EPHA5: variants seen among roughly 807,000 people sequenced by gnomAD.
EPHA5 encodes the protein EPH receptor A5.
Under a neutral mutation model 105.0 loss-of-function variants are expected in EPHA5, and 60 were observed. The observed-to-expected ratio is 0.57, with a 90% CI of 0.46 to 0.71. The LOEUF is 0.71. EPHA5 is among the 30% of genes least tolerant of loss of function. The pLI is 0.00. For synonymous variants in EPHA5, 513 were observed against 449.1 expected, an observed-to-expected ratio of 1.14 and a Z score of -1.80; for missense variants, 1,218 against 1,274.7, an observed-to-expected ratio of 0.96 and a Z score of 0.68.
chr4:65,515,260 G>A (rs1733995243), intron 3 of EPHA5, among the ~76,000 whole-genome samples: 1 of 152,008 alleles, frequency 6.6e-6, no homozygotes, highest in Non-Finnish European at 1.5e-5. Flanking sequence ...TATTCAGGTA[G>A]TAGAAATCCA....
intron 1 of EPHA5, among the ~76,000 whole-genome samples, chr4:65,662,662 G>A (rs1207791079): frequency 6.6e-6 from 1 of 152,062 alleles, no homozygotes; most frequent in Non-Finnish European, 1.5e-5. Flanking sequence ...TTATCTTCAG[G>A]GTCATAGTAA....
chr4:65,571,263 T>C (rs758935537), intron 3 of EPHA5, among the ~76,000 whole-genome samples: 10 of 151,654 alleles, frequency 6.6e-5, no homozygotes. Context: ...CGCTTATTAA[T>C]TAAAATGCAC....
At chr4:65,666,432 C>T (rs1279545276) in intron 1 of EPHA5, among the ~76,000 whole-genome samples, 1 of 152,202 alleles carries the variant, frequency 6.6e-6, no homozygotes, top group Non-Finnish European at 1.5e-5. Context: ...ACAAATATAT[C>T]TCCAGACAGC....
intron 8 of EPHA5, 147 bp downstream of exon 8, chr4:65,404,227 G>T (rs1189273236): frequency 3.2e-6 from 2 of 624,882 alleles, no homozygotes; most frequent in Non-Finnish European, 5.7e-6. Context: ...ACAAGATAAG[G>T]CTCAGGAATT....
chr4:65,359,555 CT>C lies in EPHA5; in HGVS notation c.2173+5461del, dbSNP rs550227467. Among the ~76,000 whole-genome samples, 508 of 151,548 alleles carry C rather than the reference CT, an allele frequency of 3.4e-3. 6 individuals carry two copies. The highest frequency in any genetic ancestry group is 2.1e-3 in the Non-Finnish European group (140 of 67,682). ...AGCTTTTCTCCATAAATTGCAACTC[CT>C]TTTTTGGAGGTACTCAAGACAAATA... On this transcript the variant is annotated intron_variant, in intron 11 of 16. Transcript: ENST00000613740.
At position 65,446,116 on chromosome 4, in the gene EPHA5, T is replaced by A. The variant is rs980561654; in HGVS notation, c.1403-25551A>T. Among the ~76,000 whole-genome samples, 13 of 152,172 alleles carry A rather than the reference T, an allele frequency of 8.5e-5. 1 individual carries two copies. Among genetic ancestry groups the A allele is most frequent in the Admixed American group, 6.5e-4 (10 of 15,270 alleles). Reference sequence around the variant, plus strand: ...ATGTCAATTATCTGCTTCACCCTCATGATATTTTTAATATAATAACAAATG... The same window carrying A: ...ATGTCAATTATCTGCTTCACCCTCAAGATATTTTTAATATAATAACAAATG... On this transcript the variant is annotated intron_variant, in intron 5 of 16. Transcript: ENST00000613740.
intron 1 of EPHA5, among the ~76,000 whole-genome samples, chr4:65,667,070 G>T (rs190131286): frequency 4.6e-5 from 7 of 152,232 alleles, no homozygotes; most frequent in Non-Finnish European, 7.4e-5. Context: ...TGATTAATGA[G>T]TTCAGCATAT....
intron 5 of EPHA5, among the ~76,000 whole-genome samples, chr4:65,473,962 A>G (rs1211862234): frequency 1.3e-5 from 2 of 148,676 alleles, no homozygotes; most frequent in African/African-American, 4.9e-5. Context: ...TGTATAAGAA[A>G]TGAATTCTTT....
At chr4:65,612,374 T>A (rs766416678) in intron 2 of EPHA5, among the ~76,000 whole-genome samples, 1 of 152,186 alleles carries the variant, frequency 6.6e-6, no homozygotes, top group Non-Finnish European at 1.5e-5. Flanking sequence ...CCACTCTCTA[T>A]ATCCGTGAGT....
At chr4:65,353,480 A>G (rs2148862072) in intron 11 of EPHA5, among the ~76,000 whole-genome samples, 1 of 144,478 alleles carries the variant, frequency 6.9e-6, no homozygotes, top group African/African-American at 2.5e-5. Flanking sequence ...CACAAGGTTA[A>G]TAACAGACTG....
intron 5 of EPHA5, among the ~76,000 whole-genome samples, chr4:65,468,760 T>G (rs1729006529): frequency 6.7e-6 from 1 of 149,200 alleles, no homozygotes; most frequent in Non-Finnish European, 1.5e-5. Context: ...GAAGACAGCT[T>G]AAGTACTAAT....
chr4:65,347,065 A>T (rs28406175), intron 14 of EPHA5, among the ~76,000 whole-genome samples: 1 of 151,936 alleles, frequency 6.6e-6, no homozygotes, highest in African/African-American at 2.4e-5. Context: ...TGTTAATTAC[A>T]GGCATTGTTG....
At chr4:65,648,162 A>C (rs1016933790) in intron 1 of EPHA5, among the ~76,000 whole-genome samples, 2 of 152,238 alleles carry the variant, frequency 1.3e-5, no homozygotes, top group Non-Finnish European at 2.9e-5. Context: ...ATGGAATATG[A>C]ATAAGAAGAT....
intron 3 of EPHA5, among the ~76,000 whole-genome samples, chr4:65,534,782 AGAT>A (rs1295524163): frequency 1.3e-5 from 2 of 152,238 alleles, no homozygotes; most frequent in Non-Finnish European, 2.9e-5. Context: ...AGATTATTCT[AGAT>A]GAGAGAAACA....
At chr4:65,558,298 A>C (rs1043517368) in intron 3 of EPHA5, among the ~76,000 whole-genome samples, 1 of 152,196 alleles carries the variant, frequency 6.6e-6, no homozygotes, top group African/African-American at 2.4e-5. Context: ...CACTTGCATC[A>C]AGTTACATTT....
intron 8 of EPHA5, among the ~76,000 whole-genome samples, chr4:65,388,588 A>G (rs1238383983): frequency 1.3e-5 from 2 of 151,450 alleles, no homozygotes; most frequent in Non-Finnish European, 2.9e-5. Flanking sequence ...GTATTTTTTC[A>G]TGTGTCTTTT....
Position 65,323,570 on chromosome 4 carries a change from A to G in EPHA5, c.*544T>C. On this transcript the variant is annotated 3_prime_UTR_variant, in exon 17 of 17. Transcript: ENST00000613740. Reference sequence around the variant, plus strand: ...GCAACATGTTTACACACTAGTTTCTATAACTTAACGCTGTGTAACAGCATT... The same window carrying G: ...GCAACATGTTTACACACTAGTTTCTGTAACTTAACGCTGTGTAACAGCATT... The G allele has an allele frequency of 4.3e-6, 1 of 230,336 alleles. No homozygotes were observed. The highest frequency in any genetic ancestry group is 8.6e-6 in the Non-Finnish European group (1 of 116,162). The allele number at this position is 230,336 out of a possible 1,614,324, so 14.3% of individuals were successfully genotyped here.
chr4:65,570,093 C>A (rs930574159), intron 3 of EPHA5, among the ~76,000 whole-genome samples: 15 of 151,654 alleles, frequency 9.9e-5, no homozygotes, highest in Non-Finnish European at 1.2e-4. Flanking sequence ...GATCACTGGG[C>A]AACTTAGTAA....
chr4:65,633,145 G>A (rs1317177886), intron 2 of EPHA5, among the ~76,000 whole-genome samples: 1 of 151,862 alleles, frequency 6.6e-6, no homozygotes, highest in South Asian at 2.1e-4. Context: ...GCAATGAATA[G>A]CAAAAGCCTC....
Sources: allele counts gnomAD v4.1 joint callset (sites outside exome capture counted in the v4.1 genomes callset), GRCh38; gene constraint gnomAD v4.1.1; transcripts MANE v1.5; gene names NCBI Gene and HGNC (gene_info 2026-07-23, HGNC 2026-07-21).